UBR1: variants seen among roughly 807,000 people sequenced by gnomAD.
UBR1 encodes ubiquitin protein ligase E3 component n-recognin 1.
Under a neutral mutation model 242.1 loss-of-function variants are expected in UBR1, and 102 were observed. The ratio of observed to expected loss-of-function variants is 0.42; its 90% confidence interval spans 0.36 to 0.50. The LOEUF is 0.50. Ranked by LOEUF, UBR1 falls within the 20% of genes least tolerant of loss-of-function variation. The pLI is 0.01. For synonymous variants in UBR1, 675 were observed against 684.8 expected (o/e 0.99, Z 0.22); for missense variants, 1,772 against 2,101.8 (o/e 0.84, Z 3.07).
intron 44 of UBR1, 93 bp downstream of exon 44, chr15:42,957,920 A>G (rs752400969): frequency 1.5e-4 from 169 of 1,131,544 alleles, no homozygotes; most frequent in Non-Finnish European, 4.7e-5. Context: ...CAAAAAAACA[A>G]AAACAAGGAA....
At chr15:43,095,008 G>A (rs2034142723) in intron 1 of UBR1, among the ~76,000 whole-genome samples, 1 of 152,070 alleles carries the variant, frequency 6.6e-6, no homozygotes. Context: ...CATAAGTCAT[G>A]CCCCAATTTT....
chr15:43,103,820 G>A (rs911108503), intron 1 of UBR1, among the ~76,000 whole-genome samples: 4 of 152,160 alleles, frequency 2.6e-5, no homozygotes, highest in Non-Finnish European at 5.9e-5. Context: ...ATAAGGAGTA[G>A]GGGGAACAAC....
chr15:43,082,563 A>T, intron 3 of UBR1, 75 bp downstream of exon 3: 1 of 1,144,646 alleles, frequency 8.7e-7, no homozygotes, highest in Non-Finnish European at 1.3e-6. Flanking sequence ...CAGGAATGTG[A>T]ATACTACTCA....
chr15:42,974,351 T>C lies in UBR1; in HGVS notation c.4369+2366A>G, dbSNP rs576955836. Among the ~76,000 whole-genome samples, 13 of 152,368 alleles carry C rather than the reference T, an allele frequency of 8.5e-5. No individual in the cohort carries two copies. In the South Asian group the frequency reaches 2.7e-3, roughly 32 times the overall value. On this transcript the variant is annotated intron_variant, in intron 39 of 46. Coordinates refer to ENST00000290650, the MANE Select transcript of UBR1 (RefSeq NM_174916.3). ...GTTGAAAAGACTACCTTTGATCCTT[T>C]GCTCAAATGTCAAAGATCAGTTGAC...
At chr15:42,994,999 C>CTT (rs951186732) in intron 33 of UBR1, among the ~76,000 whole-genome samples, 1 of 152,108 alleles carries the variant, frequency 6.6e-6, no homozygotes, top group Non-Finnish European at 1.5e-5. Context: ...TTTTCCTTAG[C>CTT]TTATGTTCAG....
chr15:42,960,836 C>A (rs964063137), intron 42 of UBR1, 135 bp from the exon 43 acceptor site: 1 of 855,228 alleles, frequency 1.2e-6, no homozygotes, highest in African/African-American at 1.7e-5. Flanking sequence ...TGGCAGCAAT[C>A]TCGGCTCACT....
chr15:42,950,727 CAG>C (rs1336051822), intron 45 of UBR1, among the ~76,000 whole-genome samples: 2 of 152,118 alleles, frequency 1.3e-5, no homozygotes, highest in Non-Finnish European at 2.9e-5. Flanking sequence ...GGGAACCTCA[CAG>C]AAGAACAGAA....
intron 41 of UBR1, among the ~76,000 whole-genome samples, chr15:42,965,824 A>G (rs1241627023): frequency 6.6e-6 from 1 of 152,210 alleles, no homozygotes; most frequent in East Asian, 1.9e-4. Context: ...CTATCTAGCC[A>G]AACAATTCTC....
intron 1 of UBR1, among the ~76,000 whole-genome samples, chr15:43,098,516 G>C (rs184690141): frequency 2.0e-5 from 3 of 152,180 alleles, no homozygotes; most frequent in East Asian, 3.9e-4. Context: ...TATTTCACTG[G>C]TTCATCTGTA....
intron 4 of UBR1, among the ~76,000 whole-genome samples, chr15:43,072,143 C>T (rs993946354): frequency 3.3e-5 from 5 of 151,790 alleles, no homozygotes; most frequent in Non-Finnish European, 1.5e-5. Context: ...TGAGCCACTG[C>T]ACCCAGCCAC....
rs574816840 is a variant in UBR1, at chr15:42,987,187, C to T, written c.3997+1632G>A. The stretch of plus-strand genomic sequence containing the variant: ...TCCCCCTGGGGCAGCAACTGGATCC[C>T]GGCAGGGGCAGAGCCGGGATGGGCC... On this transcript the variant is annotated intron_variant, in intron 35 of 46. Transcript: ENST00000290650. Among the ~76,000 whole-genome samples, 172 of 152,334 alleles carry T rather than the reference C, an allele frequency of 1.1e-3. 2 individuals are homozygous for T. Among genetic ancestry groups the T allele is most frequent in the South Asian group, 2.7e-3 (13 of 4,830 alleles).
At chr15:43,055,318 C>T (rs925405152) in intron 11 of UBR1, among the ~76,000 whole-genome samples, 2 of 152,084 alleles carry the variant, frequency 1.3e-5, no homozygotes, top group African/African-American at 2.4e-5. Context: ...GGTGGCAATG[C>T]CTGTAATCTC....
chr15:43,093,790 CAAA>C (rs35967267), intron 1 of UBR1, among the ~76,000 whole-genome samples: 2 of 52,072 alleles, frequency 3.8e-5, no homozygotes, highest in Non-Finnish European at 7.9e-5. Flanking sequence ...GCTCCGTCTC[CAAA>C]AAAAAAAAAA....
chr15:43,039,720 A>G (rs935539540), intron 15 of UBR1, among the ~76,000 whole-genome samples: 1 of 152,190 alleles, frequency 6.6e-6, no homozygotes, highest in Non-Finnish European at 1.5e-5. Flanking sequence ...ACTATGTTGA[A>G]TAGGAGTGGT....
At chr15:43,014,912 C>T (rs566778810) in intron 29 of UBR1, among the ~76,000 whole-genome samples, 2 of 151,104 alleles carry the variant, frequency 1.3e-5, no homozygotes, top group Non-Finnish European at 3.0e-5. Flanking sequence ...CCAGCCACCC[C>T]GTCCGGGAGG....
At chr15:43,044,478 G>A (rs1373653180) in intron 14 of UBR1, among the ~76,000 whole-genome samples, 1 of 152,178 alleles carries the variant, frequency 6.6e-6, no homozygotes, top group Non-Finnish European at 1.5e-5. Flanking sequence ...AGACATTAAA[G>A]ACCATTCTTT....
chr15:43,067,912 C>A lies in UBR1; in HGVS notation c.784G>T (p.Ala262Ser). ...ELAEAQLHTT[A>S]IDKEGRRAVK... ...AGACCACAAACCTCTTTGTCAATGGCAGTGGTATGCAACTGGGCCTCTGCG... is the reference window on the plus strand; with the variant it reads ...AGACCACAAACCTCTTTGTCAATGGAAGTGGTATGCAACTGGGCCTCTGCG... Residue 262 changes from alanine (A) to serine (S), a missense_variant, in exon 6 of 47, where the codon GCC (alanine) becomes TCC (serine). Around this residue, in one of 3 missense-constraint regions of UBR1, gnomAD observed 734 missense variants for 893.3 expected, o/e 0.82. Transcript: ENST00000290650. 6.2e-7 allele frequency: 1 copy of A among 1,613,918 alleles called. No homozygotes were observed. Among genetic ancestry groups the A allele is most frequent in the Non-Finnish European group, 8.5e-7 (1 of 1,180,006 alleles).
At chr15:43,015,153 TC>T (rs2033000613) in intron 29 of UBR1, among the ~76,000 whole-genome samples, 3 of 152,152 alleles carry the variant, frequency 2.0e-5, no homozygotes, top group Admixed American at 1.3e-4. Context: ...ACCCAACAGC[TC>T]ATTGAGAACG....
chr15:43,091,906 CAAAAAAAAAAA>C lies in UBR1; in HGVS notation c.82-5677_82-5667del, dbSNP rs58586323. The stretch of plus-strand genomic sequence containing the variant: ...GAGATCATGCCACTGTACACCATCT[CAAAAAAAAAAA>C]AAAAAAAAAAAAAAAAAAATTAGCC... On this transcript the variant is annotated intron_variant, in intron 1 of 46. Transcript: ENST00000290650. The C allele has an allele frequency of 3.7e-3, 665 of 180,298 alleles. 5 individuals carry two copies. The African/African-American group carries it at 0.043, about 12-fold the overall frequency. 11.2% of individuals were successfully genotyped at this position (180,298 alleles called of 1,614,324 possible). A position where few individuals can be genotyped will look rare whatever the true frequency, so the allele number is the denominator to read the frequency against.
Sources: gnomAD v4.1 joint callset for allele counts (sites outside exome capture counted in the v4.1 genomes callset) on GRCh38, gnomAD v4.1.1 for gene constraint, gnomAD v4.1.1 regional missense constraint, MANE v1.5 for transcripts, NCBI Gene and HGNC (gene_info 2026-07-23, HGNC 2026-07-21) for gene names.